RGS6: variants seen among roughly 807,000 people sequenced by gnomAD.
RGS6 encodes the protein regulator of G-protein signaling 6.
RGS6 carries 30 observed loss-of-function variants against 78.5 expected under a neutral mutation model. The ratio of observed to expected loss-of-function variants is 0.38; its 90% CI spans 0.29 to 0.52. The LOEUF is 0.52. RGS6 is among the 20% of genes least tolerant of loss of function. RGS6 has a pLI of 0.85. For missense variants in RGS6, 495 were observed against 609.7 expected (o/e 0.81, Z 1.98); for synonymous variants, 206 against 206.0 (o/e 1.00, Z 0.00).
intron 2 of RGS6, among the ~76,000 whole-genome samples, chr14:72,247,025 A>G (rs1464719619): frequency 5.9e-5 from 9 of 152,092 alleles, no homozygotes; most frequent in Non-Finnish European, 1.3e-4. Context: ...ACACCTGCCC[A>G]GGCTCTCTCC....
Position 72,509,943 on chromosome 14 carries a change from C to A in RGS6, c.966-211C>A, listed in dbSNP as rs138985796. On this transcript the variant is annotated intron_variant, in intron 13 of 17. Transcript: ENST00000553525. ...TGCCGGCAACCATCACTTAACATGC[C>A]TCCTTAAAGAAACTGTTCATCATTG... is the stretch of plus-strand genomic sequence containing the variant. Among the ~76,000 whole-genome samples, 168 of 152,282 alleles carry A rather than the reference C, an allele frequency of 1.1e-3. 3 individuals are homozygous for A. The South Asian group carries it at 0.02, about 18-fold the overall frequency.
chr14:72,333,032 G>A (rs1204486986), intron 2 of RGS6, among the ~76,000 whole-genome samples: 1 of 152,170 alleles, frequency 6.6e-6, no homozygotes, highest in Non-Finnish European at 1.5e-5. Flanking sequence ...CTCATGGTAT[G>A]GAGAACACAG....
At chr14:72,348,371 C>A (rs2078457855) in intron 2 of RGS6, among the ~76,000 whole-genome samples, 1 of 152,090 alleles carries the variant, frequency 6.6e-6, no homozygotes, top group Non-Finnish European at 1.5e-5. Flanking sequence ...ACTTTTATGA[C>A]CGGGAAATCA....
At chr14:71,964,628 C>A in intron 1 of RGS6, 144 bp from the exon 2 acceptor site, 1 of 588,112 alleles carries the variant, frequency 1.7e-6, no homozygotes, top group Non-Finnish European at 3.0e-6. Context: ...AGACTGCAAT[C>A]ATCCCCTAAC....
chr14:71,876,186 T>G, the RGS6 span, among the ~76,000 whole-genome samples: 3 of 152,164 alleles, frequency 2.0e-5, no homozygotes, highest in East Asian at 5.8e-4. Context: ...CTGAGTTCAA[T>G]TCCTGGATAT....
chr14:72,487,283 T>A (rs973462977), intron 12 of RGS6, among the ~76,000 whole-genome samples: 5 of 152,244 alleles, frequency 3.3e-5, no homozygotes, highest in African/African-American at 1.2e-4. Context: ...GGTGACTTTA[T>A]TTTCTACATA....
intron 2 of RGS6, among the ~76,000 whole-genome samples, chr14:72,291,060 C>T (rs2063490652): frequency 6.6e-6 from 1 of 151,894 alleles, no homozygotes; most frequent in Non-Finnish European, 1.5e-5. Context: ...CCAGTTCACA[C>T]TCTCCACATC....
intron 2 of RGS6, among the ~76,000 whole-genome samples, chr14:72,082,299 T>C (rs2094857740): frequency 6.6e-6 from 1 of 152,184 alleles, no homozygotes; most frequent in Non-Finnish European, 1.5e-5. Flanking sequence ...TTTTCATTTC[T>C]TGTATCTTCA....
chr14:72,197,119 G>A (rs1240638841), intron 2 of RGS6, among the ~76,000 whole-genome samples: 1 of 152,164 alleles, frequency 6.6e-6, no homozygotes, highest in Non-Finnish European at 1.5e-5. Flanking sequence ...AGGCTGGAGT[G>A]CAGTGGCACA....
intron 2 of RGS6, among the ~76,000 whole-genome samples, chr14:72,138,020 C>T (rs2096474551): frequency 6.6e-6 from 1 of 152,160 alleles, no homozygotes; most frequent in Non-Finnish European, 1.5e-5. Flanking sequence ...CACCCTAATA[C>T]TATACAAAAG....
intron 13 of RGS6, among the ~76,000 whole-genome samples, chr14:72,508,562 CTTTTTTTT>C (rs61097187): frequency 1.4e-4 from 8 of 56,458 alleles, no homozygotes; most frequent in Admixed American, 2.6e-4. Flanking sequence ...ACACAAGCTC[CTTTTTTTT>C]TTTTTTTTTT....
intron 2 of RGS6, among the ~76,000 whole-genome samples, chr14:72,275,485 C>A (rs987733287): frequency 3.9e-5 from 6 of 152,172 alleles, no homozygotes; most frequent in African/African-American, 1.4e-4. Context: ...GTAGGGGGAA[C>A]TGAAATCCAG....
chr14:71,938,578 G>A (rs886798430), intron 1 of RGS6, among the ~76,000 whole-genome samples: 7 of 152,186 alleles, frequency 4.6e-5, no homozygotes, highest in African/African-American at 1.4e-4. Flanking sequence ...GTGCAGGCTA[G>A]GGGAGAGAAG....
At chr14:72,045,676 A>C (rs2092776242) in intron 2 of RGS6, among the ~76,000 whole-genome samples, 1 of 151,816 alleles carries the variant, frequency 6.6e-6, no homozygotes, top group Non-Finnish European at 1.5e-5. Context: ...TATGACCTTC[A>C]CAAGTGTTTC....
chr14:72,216,311 G>A (rs1206699817), intron 2 of RGS6, among the ~76,000 whole-genome samples: 1 of 152,146 alleles, frequency 6.6e-6, no homozygotes. Flanking sequence ...AAGTATTTTA[G>A]CTATTGGATT....
intron 12 of RGS6, among the ~76,000 whole-genome samples, chr14:72,494,926 A>G (rs1185063522): frequency 6.6e-6 from 1 of 152,224 alleles, no homozygotes; most frequent in Non-Finnish European, 1.5e-5. Flanking sequence ...GATATATAAA[A>G]TGCATGTATA....
chr14:72,595,284 G>A, the RGS6 span, among the ~76,000 whole-genome samples: 2 of 151,968 alleles, frequency 1.3e-5, no homozygotes, highest in South Asian at 2.1e-4. Flanking sequence ...TAAATACACC[G>A]GTTCAGTGTA....
intron 2 of RGS6, among the ~76,000 whole-genome samples, chr14:71,966,735 C>T (rs1595369041): frequency 6.6e-6 from 1 of 152,120 alleles, no homozygotes; most frequent in South Asian, 2.1e-4. Context: ...CAATGTGGTC[C>T]GTAATGAATA....
chr14:72,321,218 A>G (rs1211261349), intron 2 of RGS6, among the ~76,000 whole-genome samples: 1 of 151,976 alleles, frequency 6.6e-6, no homozygotes, highest in African/African-American at 2.4e-5. Flanking sequence ...GATCACTGGA[A>G]AAATTAACCA....
Sources: allele counts gnomAD v4.1 joint callset (sites outside exome capture counted in the v4.1 genomes callset), GRCh38; gene constraint gnomAD v4.1.1; transcripts MANE v1.5; gene names NCBI Gene and HGNC (gene_info 2026-07-23, HGNC 2026-07-21).